ACBD6: variants seen among roughly 807,000 people sequenced by gnomAD.
The protein encoded by ACBD6 is acyl-CoA binding domain containing 6.
In ACBD6, 28 loss-of-function variants were observed where a neutral mutation model predicts 37.2. The ratio of observed to expected loss-of-function variants is 0.75; its 90% CI spans 0.56 to 1.03. The LOEUF (loss-of-function observed/expected upper bound fraction) is 1.03, where lower values mean the gene tolerates loss of function less well. ACBD6 is among the 50% of genes least tolerant of loss of function. The pLI is 0.00. For synonymous variants in ACBD6, 113 were observed against 126.8 expected, an observed-to-expected ratio of 0.89 and a Z score of 0.73; for missense variants, 340 against 337.4, an observed-to-expected ratio of 1.01 and a Z score of -0.06.
At chr1:180,349,693 G>A (rs1263685689) in intron 6 of ACBD6, among the ~76,000 whole-genome samples, 5 of 151,972 alleles carry the variant, frequency 3.3e-5, no homozygotes, top group Admixed American at 2.6e-4. Context: ...TGTTAGAGTC[G>A]TATGACCTTG....
chr1:180,492,220 A>C, intron 3 of ACBD6, 49 bp downstream of exon 3: 1 of 1,341,838 alleles, frequency 7.5e-7, no homozygotes, highest in Non-Finnish European at 1.1e-6. Flanking sequence ...TATTTCAGAG[A>C]AGGATCATAA....
intron 6 of ACBD6, among the ~76,000 whole-genome samples, chr1:180,349,429 G>A (rs1400500411): frequency 2.0e-5 from 3 of 151,454 alleles, no homozygotes; most frequent in African/African-American, 7.3e-5. Flanking sequence ...CTAATTTTTT[G>A]TATTTTTAGT....
intron 4 of ACBD6, among the ~76,000 whole-genome samples, chr1:180,415,778 G>A (rs149520667): frequency 2.7e-3 from 407 of 152,232 alleles, no homozygotes; most frequent in African/African-American, 9.4e-3. Context: ...CATGTATACC[G>A]TTGTAAGCAG....
At chr1:180,359,981 G>A (rs1652786102) in intron 6 of ACBD6, among the ~76,000 whole-genome samples, 1 of 152,062 alleles carries the variant, frequency 6.6e-6, no homozygotes, top group Non-Finnish European at 1.5e-5. Context: ...TAAAAAATCA[G>A]AATATCAAAC....
At chr1:180,283,920 T>TA (rs137929457), downstream of ACBD6, among the ~76,000 whole-genome samples, 1,551 of 151,792 alleles carry the variant, frequency 0.01, 28 homozygotes, top group African/African-American at 0.036. Flanking sequence ...ATTCCAAAAT[T>TA]AAAAAAAACA....
intron 10 of ACBD6, chr1:180,274,162 A>C (rs757413542): frequency 1.2e-6 from 2 of 1,613,930 alleles, no homozygotes; most frequent in Non-Finnish European, 1.7e-6. Flanking sequence ...GCTGACAATA[A>C]ATCTCCGTTC....
intron 6 of ACBD6, among the ~76,000 whole-genome samples, chr1:180,369,390 T>C (rs575693534): frequency 2.8e-4 from 42 of 152,302 alleles, no homozygotes; most frequent in South Asian, 4.1e-4. Flanking sequence ...AGCTGGGTCA[T>C]TTGGACTGGT....
chr1:180,484,090 T>C (rs1163501650), intron 3 of ACBD6, among the ~76,000 whole-genome samples: 1 of 152,188 alleles, frequency 6.6e-6, no homozygotes, highest in Non-Finnish European at 1.5e-5. Flanking sequence ...GCTTTACATG[T>C]CAACATTATT....
At chr1:180,326,578 A>C (rs565272623) in intron 6 of ACBD6, 13 of 152,336 alleles carry the variant, frequency 8.5e-5, no homozygotes, top group African/African-American at 2.9e-4. Context: ...GTACAAGGTA[A>C]AGTCCCCTTT....
rs190293477 is a variant in ACBD6, at chr1:180,406,909, G to A, written c.573+6457C>T. Among the ~76,000 whole-genome samples, 327 of 152,182 alleles carry A rather than the reference G, an allele frequency of 2.1e-3. 2 individuals carry two copies. Among genetic ancestry groups the A allele is most frequent in the African/African-American group, 7.0e-3 (290 of 41,538 alleles). ...GTTACCCAACTCATAATAAGAAAAC[G>A]TCAAAAGGACAGAAAGGGTTAAAAG... On this transcript the variant is annotated intron_variant, in intron 5 of 7. Coordinates refer to ENST00000367595, the MANE Select transcript of ACBD6 (RefSeq NM_032360.4).
At chr1:180,440,686 C>T in intron 3 of ACBD6, among the ~76,000 whole-genome samples, 1 of 150,978 alleles carries the variant, frequency 6.6e-6, no homozygotes, top group East Asian at 2.0e-4. Context: ...TAGCCTTGAA[C>T]CCACTAAGCA....
At chr1:180,342,189 G>T (rs1228227626) in intron 6 of ACBD6, among the ~76,000 whole-genome samples, 1 of 152,064 alleles carries the variant, frequency 6.6e-6, no homozygotes, top group Non-Finnish European at 1.5e-5. Flanking sequence ...TTACAGAATT[G>T]ACTGGCAAGT....
chr1:180,320,687 G>C (rs1223075583), intron 6 of ACBD6, among the ~76,000 whole-genome samples: 1 of 151,926 alleles, frequency 6.6e-6, no homozygotes, highest in Non-Finnish European at 1.5e-5. Flanking sequence ...CAGATTATTA[G>C]GTTTTTTTTG....
intron 3 of ACBD6, among the ~76,000 whole-genome samples, chr1:180,473,716 G>A (rs1325677753): frequency 6.6e-6 from 1 of 152,050 alleles, no homozygotes; most frequent in Non-Finnish European, 1.5e-5. Context: ...GCTTTTTACT[G>A]TGTCTAAGTT....
Position 180,432,069 on chromosome 1 carries a change from T to C in ACBD6, c.385-1807A>G, listed in dbSNP as rs150670906. Among the ~76,000 whole-genome samples the C allele has an allele frequency of 5.7e-3, 874 of 152,090 alleles. 6 individuals are homozygous for C. The highest frequency in any genetic ancestry group is 0.02 in the African/African-American group (810 of 41,470). ...AAAAATGCAAAAAACTAGCCAGGCA[T>C]GGTGGTGCGTGACTGTAGTACCAGC... On this transcript the variant is annotated intron_variant, in intron 3 of 7. Transcript: ENST00000367595.
chr1:180,284,746 C>T (rs1649422829), downstream of ACBD6, among the ~76,000 whole-genome samples: 1 of 152,148 alleles, frequency 6.6e-6, no homozygotes. Flanking sequence ...TGATAATGCA[C>T]CTTTGAGTAT....
At chr1:180,381,312 G>A (rs1653637646) in intron 6 of ACBD6, among the ~76,000 whole-genome samples, 1 of 152,132 alleles carries the variant, frequency 6.6e-6, no homozygotes, top group African/African-American at 2.4e-5. Context: ...AAATCATCTA[G>A]ACAGAAAGTC....
At chr1:180,374,603 T>A (rs1288311784) in intron 6 of ACBD6, among the ~76,000 whole-genome samples, 6 of 152,236 alleles carry the variant, frequency 3.9e-5, no homozygotes, top group Admixed American at 3.9e-4. Flanking sequence ...TATTCTTAAG[T>A]GGAATTAAAG....
intron 3 of ACBD6, among the ~76,000 whole-genome samples, chr1:180,431,046 CA>C (rs562649198): frequency 1.1e-3 from 173 of 152,154 alleles, no homozygotes; most frequent in African/African-American, 3.6e-3. Context: ...CCCTTAGAAT[CA>C]AAATTACATT....
Sources: gnomAD v4.1 joint callset for allele counts (sites outside exome capture counted in the v4.1 genomes callset) on GRCh38, gnomAD v4.1.1 for gene constraint, MANE v1.5 for transcripts, NCBI Gene and HGNC (gene_info 2026-07-23, HGNC 2026-07-21) for gene names.